The following PRKAR2A variants were observed in gnomAD, a reference collection of about 807,000 sequenced individuals.
PRKAR2A encodes cAMP-dependent protein kinase type II-alpha regulatory subunit.
PRKAR2A carries 29 observed loss-of-function variants against 51.9 expected under a neutral mutation model. The observed-to-expected ratio is 0.56, with a 90% confidence interval of 0.42 to 0.76. The LOEUF (loss-of-function observed/expected upper bound fraction) is 0.76. Ranked by LOEUF, PRKAR2A falls within the 30% of genes least tolerant of loss-of-function variation. The probability of loss-of-function intolerance (pLI) is 0.00; values close to 1 mark genes in which losing one functional copy is unlikely to be tolerated. For synonymous variants in PRKAR2A, 178 were observed against 186.2 expected (o/e 0.96, Z 0.36); for missense variants, 445 against 512.1 (o/e 0.87, Z 1.26).
At chr3:48,768,636 T>C (rs1026342445) in intron 6 of PRKAR2A, among the ~76,000 whole-genome samples, 4 of 150,534 alleles carry the variant, frequency 2.7e-5, no homozygotes, top group African/African-American at 9.8e-5. Flanking sequence ...AGGCAGAGGA[T>C]GCAGTGAGCC....
intron 1 of PRKAR2A, among the ~76,000 whole-genome samples, chr3:48,840,281 G>C (rs577012496): frequency 1.3e-5 from 2 of 152,056 alleles, no homozygotes; most frequent in African/African-American, 2.4e-5. Flanking sequence ...GATCACCTGA[G>C]GTTGGGAGTT....
chr3:48,765,724 CAAAAAAAAAAAA>C (rs756566818), intron 6 of PRKAR2A, among the ~76,000 whole-genome samples: 8 of 45,250 alleles, frequency 1.8e-4, no homozygotes, highest in African/African-American at 7.8e-4. Context: ...ACCCTCATTT[CAAAAAAAAAAAA>C]AAAAAAAAAA....
chr3:48,768,532 T>C (rs1361317846), intron 6 of PRKAR2A, among the ~76,000 whole-genome samples: 2 of 151,024 alleles, frequency 1.3e-5, no homozygotes, highest in African/African-American at 4.9e-5. Flanking sequence ...ATCTCGTGTC[T>C]ACTACAAATA....
chr3:48,754,518 A>G (rs988818925), intron 9 of PRKAR2A, among the ~76,000 whole-genome samples: 1 of 152,082 alleles, frequency 6.6e-6, no homozygotes, highest in Non-Finnish European at 1.5e-5. Flanking sequence ...CATGCCTGTA[A>G]TCCCAGCACT....
chr3:48,826,252 G>A (rs1381787711), intron 1 of PRKAR2A, among the ~76,000 whole-genome samples: 1 of 152,190 alleles, frequency 6.6e-6, no homozygotes, highest in East Asian at 1.9e-4. Context: ...GGTGACAGAA[G>A]AAGACCCTTG....
intron 2 of PRKAR2A, among the ~76,000 whole-genome samples, chr3:48,805,528 T>C (rs2082665724): frequency 6.6e-6 from 1 of 152,180 alleles, no homozygotes; most frequent in Admixed American, 6.5e-5. Flanking sequence ...CCTATGGGCA[T>C]ATGCTCACCT....
At position 48,816,047 on chromosome 3, in the gene PRKAR2A, G is replaced by A. The variant is rs181681102; in HGVS notation, c.263-8363C>T. On this transcript the variant is annotated intron_variant, in intron 1 of 10. Transcript: ENST00000265563. ...AAAAAAAAAAAAAAAAAAGAAGCTA[G>A]AAGCTGGCTTTATTACTAATACTTC... Among the ~76,000 whole-genome samples the A allele has an allele frequency of 2.7e-5, 4 of 147,212 alleles. No individual in the cohort carries two copies. The East Asian group carries it at 6.1e-4, about 23-fold the overall frequency.
At chr3:48,745,531 T>G (rs1015101307), downstream of PRKAR2A, among the ~76,000 whole-genome samples, 49 of 142,718 alleles carry the variant, frequency 3.4e-4, 1 homozygote, top group South Asian at 9.6e-3. Flanking sequence ...GATAAGGTTT[T>G]TTTTTTTTTT....
intron 1 of PRKAR2A, among the ~76,000 whole-genome samples, chr3:48,811,482 A>C (rs2082769768): frequency 6.6e-6 from 1 of 152,212 alleles, no homozygotes; most frequent in Admixed American, 6.5e-5. Flanking sequence ...GTCTTCAGCC[A>C]TAAAAAGGAA....
In PRKAR2A at chr3:48,847,198, G is replaced by T; in HGVS notation, c.262+137C>A. 1.8e-6 allele frequency: 2 copies of T among 1,135,260 alleles called. No individual in the cohort carries two copies. The highest frequency in any genetic ancestry group is 2.4e-6 in the Non-Finnish European group (2 of 821,100). 70.3% of individuals were successfully genotyped at this position (1,135,260 alleles called of 1,614,324 possible). A position where few individuals can be genotyped will look rare whatever the true frequency, so the allele number is the denominator to read the frequency against. ...GCTCACGCCGGTGTCTCAGGGAAAC[G>T]CTAGAAACGCGGCTACAGAGCTCCC... On this transcript the variant is annotated intron_variant, in intron 1 of 10. Transcript: ENST00000265563. This position sits in a 1 kb window ranked among gnomAD's most constrained non-coding sequence, Gnocchi z 4.4.
chr3:48,745,526 GGTTT>G (rs2081554409), downstream of PRKAR2A, among the ~76,000 whole-genome samples: 2 of 128,660 alleles, frequency 1.6e-5, no homozygotes, highest in East Asian at 2.6e-4. Context: ...TTTTGGATAA[GGTTT>G]TTTTTTTTTT....
chr3:48,838,736 T>C (rs2083326725), intron 1 of PRKAR2A, among the ~76,000 whole-genome samples: 1 of 152,028 alleles, frequency 6.6e-6, no homozygotes, highest in African/African-American at 2.4e-5. Context: ...CTCAGCACTT[T>C]GGGAGGCCGA....
chr3:48,845,994 G>A (rs571892489), intron 1 of PRKAR2A, among the ~76,000 whole-genome samples: 1 of 151,922 alleles, frequency 6.6e-6, no homozygotes, highest in East Asian at 1.9e-4. Flanking sequence ...ATCTGTGAGG[G>A]GAGGGACAGT....
intron 1 of PRKAR2A, among the ~76,000 whole-genome samples, chr3:48,829,879 T>A (rs146754538): frequency 0.065 from 6,342 of 97,312 alleles, 236 homozygotes; most frequent in Non-Finnish European, 0.1. Context: ...ATATTTTTTT[T>A]TTTTTTTTAA....
At chr3:48,771,681 A>G (rs1399462626) in intron 6 of PRKAR2A, among the ~76,000 whole-genome samples, 1 of 152,042 alleles carries the variant, frequency 6.6e-6, no homozygotes, top group Non-Finnish European at 1.5e-5. Flanking sequence ...AACCTCCCAA[A>G]GTGCTGGGAT....
chr3:48,750,432 C>CTT lies in PRKAR2A; in HGVS notation c.*1151_*1152dup, dbSNP rs2081630704. ...ATCTCACTCTGTTGCCTAGGCTGGT[C>CTT]TTAAGCGATCCTCCCAGCTCAGCCT... On this transcript the variant is annotated 3_prime_UTR_variant, in exon 11 of 11. Transcript: ENST00000265563. 6.6e-6 allele frequency: 1 copy of CTT among 152,196 alleles called. No homozygotes were observed. The highest frequency in any genetic ancestry group is 2.4e-5 in the African/African-American group (1 of 41,438). 9.4% of individuals were successfully genotyped at this position (152,196 alleles called of 1,614,324 possible).
At position 48,748,068 on chromosome 3, in the gene PRKAR2A, G is replaced by C. The variant is rs1158829575; in HGVS notation, c.*3517C>G. The C allele has an allele frequency of 6.6e-6, 1 of 151,762 alleles. No homozygotes were observed. Among genetic ancestry groups the C allele is most frequent in the Non-Finnish European group, 1.5e-5 (1 of 67,994 alleles). The allele number at this position is 151,762 out of a possible 1,614,324, so 9.4% of individuals were successfully genotyped here. A position where few individuals can be genotyped will look rare whatever the true frequency, so the allele number is the denominator to read the frequency against. On this transcript the variant is annotated 3_prime_UTR_variant, in exon 11 of 11. Coordinates refer to ENST00000265563, the MANE Select transcript of PRKAR2A (RefSeq NM_004157.4). ...TTAAATAGAACCCTCTAGGGATCCT[G>C]TATGCAGTGAGGGTCTGAACTGATG...
chr3:48,826,042 C>T (rs1292371269), intron 1 of PRKAR2A, among the ~76,000 whole-genome samples: 7 of 152,170 alleles, frequency 4.6e-5, no homozygotes, highest in African/African-American at 1.4e-4. Flanking sequence ...GCAGCACGAT[C>T]ACTGGAGCCC....
At chr3:48,775,028 G>A (rs745641259) in intron 5 of PRKAR2A, among the ~76,000 whole-genome samples, 2 of 152,126 alleles carry the variant, frequency 1.3e-5, no homozygotes, top group African/African-American at 2.4e-5. Context: ...AGTTATTTTT[G>A]TTGCTAGTTT....
Sources: allele counts gnomAD v4.1 joint callset (sites outside exome capture counted in the v4.1 genomes callset), GRCh38; gene constraint gnomAD v4.1.1; non-coding constraint Gnocchi (gnomAD v3.1); transcripts MANE v1.5; gene names NCBI Gene and HGNC (gene_info 2026-07-23, HGNC 2026-07-21).